The following BDKRB2 variants were observed in gnomAD, a reference collection of about 807,000 sequenced individuals.
BDKRB2 encodes the protein B2 bradykinin receptor.
BDKRB2 carries 6 observed loss-of-function variants against 4.0 expected under a neutral mutation model. The observed-to-expected ratio is 1.49, with a 90% confidence interval of 0.81 to 2.93. The LOEUF (loss-of-function observed/expected upper bound fraction) is 2.93. BDKRB2 is among the 30% of genes most tolerant of loss of function. BDKRB2 has a pLI of 0.00. For missense variants in BDKRB2, 478 were observed against 520.1 expected (o/e 0.92, Z 0.79); for synonymous variants, 225 against 215.3 (o/e 1.05, Z -0.40).
intron 1 of BDKRB2, among the ~76,000 whole-genome samples, chr14:96,212,593 A>G (rs910512205): frequency 1.3e-5 from 2 of 152,168 alleles, no homozygotes; most frequent in African/African-American, 4.8e-5. Context: ...TGCTATGCAG[A>G]GAATTAGAAT....
At chr14:96,226,895 A>G (rs1473427746) in intron 1 of BDKRB2, among the ~76,000 whole-genome samples, 2 of 152,206 alleles carry the variant, frequency 1.3e-5, no homozygotes, top group Non-Finnish European at 2.9e-5. Context: ...GGAGGGAGGA[A>G]TATGTCCAGT....
chr14:96,238,624 T>G, intron 2 of BDKRB2: 2 of 980,982 alleles, frequency 2.0e-6, no homozygotes, highest in Non-Finnish European at 2.4e-6. Context: ...CTGTCCAACA[T>G]CTAGTGTCAC....
At chr14:96,234,942 AC>A (rs1257460817) in intron 1 of BDKRB2, among the ~76,000 whole-genome samples, 1 of 152,180 alleles carries the variant, frequency 6.6e-6, no homozygotes, top group Non-Finnish European at 1.5e-5. Context: ...TCTCAGCTGG[AC>A]AGTTCAGCCC....
intron 2 of BDKRB2, chr14:96,238,000 A>G: frequency 8.5e-7 from 1 of 1,182,688 alleles, no homozygotes; most frequent in Non-Finnish European, 1.1e-6. Context: ...AGCTACAGAA[A>G]TGGGGTTGAG....
At position 96,237,118 on chromosome 14, in the gene BDKRB2, C is replaced by T; in HGVS notation, c.11C>T (p.Pro4Leu). The T allele has an allele frequency of 1.2e-6, 2 of 1,613,970 alleles. No individual in the cohort carries two copies. The highest frequency in any genetic ancestry group is 1.7e-6 in the Non-Finnish European group (2 of 1,179,824). ...CCACTCTGAGTCCAAATGTTCTCTC[C>T]CTGGAAGATATCAATGTTTCTGTCT... MFS[P>L]WKISMFLSVR... Residue 4 changes from proline (P) to leucine (L), a missense_variant, in exon 2 of 3, where the codon CCC becomes CTC. Physicochemically the swap from Pro to Leu is moderately conservative, Grantham distance 98 (BLOSUM62 -3). Transcript: ENST00000554311.
rs143869055 is a variant in BDKRB2 at position 96,207,877 on chromosome 14, C to A, written c.-40+2918C>A. On this transcript the variant is annotated intron_variant, in intron 1 of 2. Coordinates refer to ENST00000554311, the MANE Select transcript of BDKRB2 (RefSeq NM_001379692.1). ...CAGGGTCATGAGTCAAACAATCAGA[C>A]CTGCCAAGACTTGACACCCCAAATG... is the stretch of plus-strand genomic sequence containing the variant. Among the ~76,000 whole-genome samples, 391 of 152,238 alleles carry A rather than the reference C, an allele frequency of 2.6e-3. 2 individuals are homozygous for A. The highest frequency in any genetic ancestry group is 7.7e-3 in the African/African-American group (318 of 41,532).
At position 96,240,736 on chromosome 14, in the gene BDKRB2, T is replaced by G; in HGVS notation, c.408T>G (p.Ile136Met). 6.3e-7 allele frequency: 1 copy of G among 1,597,570 alleles called. No homozygotes were observed. Among genetic ancestry groups the G allele is most frequent in the East Asian group, 2.2e-5 (1 of 44,792 alleles). Residue 136 changes from isoleucine (I) to methionine (M), a missense_variant, in exon 3 of 3, where the codon ATT becomes ATG. Coordinates refer to ENST00000554311, the MANE Select transcript of BDKRB2 (RefSeq NM_001379692.1). ...CGCTCTGCCGCGTGGTGAATGCCAT[T>G]ATCTCCATGAACCTGTACAGCAGCA... ...GETLCRVVNAIISMNLYSSIC... is the reference protein window; with the variant it reads ...GETLCRVVNAMISMNLYSSIC...
In BDKRB2 at chr14:96,240,586, G is replaced by C. The variant is rs1566696864; in HGVS notation, c.258G>C (p.Lys86Asn). Residue 86 changes from lysine to asparagine, a missense_variant, in exon 3 of 3, where the codon AAG (lysine) becomes AAC (asparagine). Physicochemically the swap from Lys to Asn is moderately conservative, Grantham distance 94 (BLOSUM62 0). Transcript: ENST00000554311. ...TCCTCAGCGTCTTCTGCCTGCACAA[G>C]AGCAGCTGCACGGTGGCAGAGATCT... is the stretch of plus-strand genomic sequence containing the variant. ...IFVLSVFCLH[K>N]SSCTVAEIYL... 1.9e-6 allele frequency: 3 copies of C among 1,557,290 alleles called. No individual in the cohort carries two copies. The South Asian group carries it at 3.7e-5, about 19-fold the overall frequency.
chr14:96,216,798 G>A (rs71415030), intron 1 of BDKRB2, among the ~76,000 whole-genome samples: 1 of 149,014 alleles, frequency 6.7e-6, no homozygotes, highest in Non-Finnish European at 1.5e-5. Context: ...GGAGGAAGTA[G>A]GAGAAGAAGA....
chr14:96,218,691 G>A (rs1272530512), intron 1 of BDKRB2, among the ~76,000 whole-genome samples: 2 of 152,104 alleles, frequency 1.3e-5, no homozygotes, highest in Non-Finnish European at 1.5e-5. Flanking sequence ...TCCAGGGCAG[G>A]CAGATCACTT....
chr14:96,235,654 T>C (rs1208676387), intron 1 of BDKRB2, among the ~76,000 whole-genome samples: 3 of 152,184 alleles, frequency 2.0e-5, no homozygotes, highest in Admixed American at 6.5e-5. Context: ...GTGTTTGAAT[T>C]CCCTGAACTG....
At chr14:96,217,561 C>T (rs901490620) in intron 1 of BDKRB2, among the ~76,000 whole-genome samples, 2 of 152,250 alleles carry the variant, frequency 1.3e-5, no homozygotes, top group Non-Finnish European at 1.5e-5. Context: ...AGCCCCTGGG[C>T]TAGGCGTCTG....
intron 1 of BDKRB2, among the ~76,000 whole-genome samples, chr14:96,232,017 C>A (rs1489983638): frequency 6.6e-6 from 1 of 152,174 alleles, no homozygotes; most frequent in Non-Finnish European, 1.5e-5. Flanking sequence ...CTCCATCCGG[C>A]TGTGTAATGA....
At chr14:96,215,974 C>T (rs61745183) in intron 1 of BDKRB2, among the ~76,000 whole-genome samples, 12,954 of 152,208 alleles carry the variant, frequency 0.085, 670 homozygotes, top group African/African-American at 0.14. Flanking sequence ...CTGCGCAGTG[C>T]GAGTGGGAGG....
chr14:96,216,715 A>G (rs11629341), intron 1 of BDKRB2, among the ~76,000 whole-genome samples: 56,655 of 71,894 alleles, frequency 0.79, 22,380 homozygotes, highest in East Asian at 0.95. Flanking sequence ...AGGAGGAGGA[A>G]GAGGAAGGAG....
Position 96,244,030 on chromosome 14 carries a change from A to G in BDKRB2, c.*2526A>G, listed in dbSNP as rs1566698481. The stretch of plus-strand genomic sequence containing the variant: ...CCCTATGCATGGTGTAGATGCCCTG[A>G]TAAAGAACATCTGTCCTGTGAAAGA... On this transcript the variant is annotated 3_prime_UTR_variant, in exon 3 of 3. Coordinates refer to ENST00000554311, the MANE Select transcript of BDKRB2 (RefSeq NM_001379692.1). The G allele has an allele frequency of 2.5e-6, 1 of 395,126 alleles. No homozygotes were observed. 24.5% of individuals were successfully genotyped at this position (395,126 alleles called of 1,614,324 possible).
chr14:96,232,723 C>T (rs746781970), intron 1 of BDKRB2, among the ~76,000 whole-genome samples: 6 of 152,182 alleles, frequency 3.9e-5, no homozygotes, highest in African/African-American at 9.7e-5. Flanking sequence ...ACGGACACCA[C>T]GCTGAGACGT....
intron 1 of BDKRB2, among the ~76,000 whole-genome samples, chr14:96,216,849 A>G (rs68007566): frequency 0.68 from 102,597 of 151,004 alleles, 35,469 homozygotes; most frequent in Non-Finnish European, 0.75. Context: ...ACTGTTTGGA[A>G]GATTATGGGA....
chr14:96,225,185 C>T (rs1179008918), intron 1 of BDKRB2, among the ~76,000 whole-genome samples: 1 of 152,180 alleles, frequency 6.6e-6, no homozygotes. Context: ...TCTTTAAAGA[C>T]ATTACGGTTG....
Sources: allele counts gnomAD v4.1 joint callset (sites outside exome capture counted in the v4.1 genomes callset), GRCh38; gene constraint gnomAD v4.1.1; transcripts MANE v1.5; gene names NCBI Gene and HGNC (gene_info 2026-07-23, HGNC 2026-07-21).